NCOA2: variants seen among roughly 807,000 people sequenced by gnomAD.
The protein encoded by NCOA2 is class E basic helix-loop-helix protein 75.
A neutral mutation model predicts 145.1 loss-of-function variants in NCOA2; 21 were observed. The observed-to-expected ratio is 0.14, with a 90% CI of 0.10 to 0.21. The LOEUF (loss-of-function observed/expected upper bound fraction) is 0.21, where lower values mean the gene tolerates loss of function less well. NCOA2 is among the 10% of genes least tolerant of loss of function. The pLI is 1.00. For synonymous variants in NCOA2, 619 were observed against 637.5 expected, an observed-to-expected ratio of 0.97 and a Z score of 0.44; for missense variants, 1,472 against 1,837.6, an observed-to-expected ratio of 0.80 and a Z score of 3.64.
intron 1 of NCOA2, among the ~76,000 whole-genome samples, chr8:70,301,246 C>T (rs1242949756): frequency 6.6e-6 from 1 of 152,186 alleles, no homozygotes; most frequent in South Asian, 2.1e-4. Flanking sequence ...TTGGCAGACA[C>T]TATTATTAAA....
intron 2 of NCOA2, among the ~76,000 whole-genome samples, chr8:70,263,137 A>G (rs1254550541): frequency 6.7e-6 from 1 of 148,680 alleles, no homozygotes. Context: ...ATTAAGTCAA[A>G]TAAGGGTCAC....
intron 1 of NCOA2, among the ~76,000 whole-genome samples, chr8:70,354,309 C>T (rs1246990817): frequency 2.0e-5 from 3 of 152,044 alleles, no homozygotes; most frequent in Non-Finnish European, 4.4e-5. Context: ...AACTTTATAA[C>T]GATTTATTTT....
chr8:70,304,470 TA>T (rs1241128040), intron 1 of NCOA2, among the ~76,000 whole-genome samples: 8 of 148,536 alleles, frequency 5.4e-5, no homozygotes, highest in Non-Finnish European at 9.1e-5. Context: ...ACTATATGCA[TA>T]TTTTTTTTTT....
the NCOA2 span, among the ~76,000 whole-genome samples, chr8:70,446,595 T>C: frequency 1.3e-5 from 2 of 152,180 alleles, no homozygotes; most frequent in African/African-American, 4.8e-5. Flanking sequence ...CATCCCTAAT[T>C]TTATTGTAAA....
intron 2 of NCOA2, among the ~76,000 whole-genome samples, chr8:70,247,876 G>C (rs1457622460): frequency 6.6e-6 from 1 of 152,178 alleles, no homozygotes; most frequent in Non-Finnish European, 1.5e-5. Flanking sequence ...AAAATGTCTT[G>C]ATCCAGATTC....
rs1193068796 is a variant in NCOA2 at position 70,192,523 on chromosome 8, T to C, written c.260-17664A>G. ...CCCACCACCCACGGGCCTGCCCCTC[T>C]GCTCCTAAGAGTCTTGCCTGGTATT... On this transcript the variant is annotated intron_variant, in intron 4 of 22. Transcript: ENST00000452400. Among the ~76,000 whole-genome samples, 3 of 152,208 alleles carry C rather than the reference T, an allele frequency of 2.0e-5. No individual in the cohort carries two copies. In the East Asian group the frequency reaches 5.8e-4, roughly 29 times the overall value.
intron 1 of NCOA2, chr8:70,357,446 T>C (rs1171368381): frequency 6.6e-6 from 1 of 152,202 alleles, no homozygotes; most frequent in Non-Finnish European, 1.5e-5. Context: ...TGACTAGCCT[T>C]AAAAAGGGAA....
At chr8:70,258,651 T>C (rs181387550) in intron 2 of NCOA2, among the ~76,000 whole-genome samples, 2 of 152,288 alleles carry the variant, frequency 1.3e-5, no homozygotes, top group East Asian at 1.9e-4. Context: ...TCTACAATTA[T>C]CAAGATTTCT....
chr8:70,323,221 C>T (rs1806236155), intron 1 of NCOA2, among the ~76,000 whole-genome samples: 1 of 152,174 alleles, frequency 6.6e-6, no homozygotes, highest in African/African-American at 2.4e-5. Flanking sequence ...AATAATCAAA[C>T]ATAATCCCTG....
At chr8:70,155,102 A>AT (rs940330919) in intron 11 of NCOA2, among the ~76,000 whole-genome samples, 1 of 152,126 alleles carries the variant, frequency 6.6e-6, no homozygotes, top group African/African-American at 2.4e-5. Context: ...GGTATCCTGG[A>AT]TTTTTTCAGG....
intron 11 of NCOA2, among the ~76,000 whole-genome samples, chr8:70,151,768 A>T (rs898302900): frequency 6.6e-6 from 1 of 152,246 alleles, no homozygotes; most frequent in South Asian, 2.1e-4. Context: ...ATTCCTTGTC[A>T]ATTTATGGAG....
In NCOA2 at chr8:70,156,809, A is replaced by G. The variant is rs1812347837; in HGVS notation, c.1556T>C (p.Val519Ala). ...ATGGCTATTTCCTGTGCTGCTGCAA[A>G]CTCCCACAGGGGAATGCAAGCTTCC... is the stretch of plus-strand genomic sequence containing the variant. The part of the protein sequence containing the change: ...PAGSLHSPVG[V>A]CSSTGNSHSY... The change falls in exon 11 of 23, where the codon GTT (valine) becomes GCT (alanine). Residue 519 changes from valine to alanine, a missense_variant. Coordinates refer to ENST00000452400, the MANE Select transcript of NCOA2 (RefSeq NM_006540.4). 5.0e-6 allele frequency: 8 copies of G among 1,613,816 alleles called. No individual in the cohort carries two copies. Among genetic ancestry groups the G allele is most frequent in the Non-Finnish European group, 5.9e-6 (7 of 1,179,856 alleles).
In NCOA2 at chr8:70,239,757, C is replaced by G. The variant is rs566282137; in HGVS notation, c.-19-22993G>C. On this transcript the variant is annotated intron_variant, in intron 2 of 22. Coordinates refer to ENST00000452400, the MANE Select transcript of NCOA2 (RefSeq NM_006540.4). Reference sequence around the variant, plus strand: ...GGGATAATTAAGAGAGAGAATTGTTCAGTGAGAAGAGAAAACAACAGCTAA... The same window carrying G: ...GGGATAATTAAGAGAGAGAATTGTTGAGTGAGAAGAGAAAACAACAGCTAA... 2.6e-5 allele frequency among the ~76,000 whole-genome samples: 4 copies of G among 152,180 alleles called. No individual in the cohort carries two copies. The South Asian group carries it at 8.3e-4, about 32-fold the overall frequency.
intron 1 of NCOA2, among the ~76,000 whole-genome samples, chr8:70,301,988 AT>A (rs765552788): frequency 2.4e-4 from 36 of 152,296 alleles, no homozygotes; most frequent in Admixed American, 7.8e-4. Flanking sequence ...CTCATAATAT[AT>A]GATTAATACA....
chr8:70,427,610 T>G, the NCOA2 span, among the ~76,000 whole-genome samples: 93 of 152,226 alleles, frequency 6.1e-4, no homozygotes, highest in Non-Finnish European at 1.3e-3. Flanking sequence ...ACAAAGTGTC[T>G]TAATGTTATA....
intron 22 of NCOA2, among the ~76,000 whole-genome samples, chr8:70,115,214 G>A (rs1330593348): frequency 2.6e-5 from 4 of 152,052 alleles, no homozygotes; most frequent in Non-Finnish European, 5.9e-5. Context: ...TCAATGGTAC[G>A]ATCTCGGCTC....
At chr8:70,215,849 T>C (rs567295394) in intron 3 of NCOA2, among the ~76,000 whole-genome samples, 5 of 152,362 alleles carry the variant, frequency 3.3e-5, no homozygotes, top group African/African-American at 1.2e-4. Context: ...TCCTTGTTTA[T>C]ACAGATGGCA....
intron 11 of NCOA2, among the ~76,000 whole-genome samples, chr8:70,154,804 G>A (rs1190532676): frequency 6.6e-6 from 1 of 152,192 alleles, no homozygotes; most frequent in Non-Finnish European, 1.5e-5. Flanking sequence ...GAAGGTTGAG[G>A]AGATGTTGGT....
Position 70,290,349 on chromosome 8 carries a change from C to T in NCOA2, c.-20+6395G>A, listed in dbSNP as rs904480174. On this transcript the variant is annotated intron_variant, in intron 2 of 22. Coordinates refer to ENST00000452400, the MANE Select transcript of NCOA2 (RefSeq NM_006540.4). The stretch of plus-strand genomic sequence containing the variant: ...GACTACAGGCGCCTGCCACCACACC[C>T]GGCTAATTTTTTGTATTTTTAGTAG... Among the ~76,000 whole-genome samples, 12 of 152,108 alleles carry T rather than the reference C, an allele frequency of 7.9e-5. No individual in the cohort carries two copies. The East Asian group carries it at 1.4e-3, about 17-fold the overall frequency.
Sources: gnomAD v4.1 joint callset for allele counts (sites outside exome capture counted in the v4.1 genomes callset) on GRCh38, gnomAD v4.1.1 for gene constraint, MANE v1.5 for transcripts, NCBI Gene and HGNC (gene_info 2026-07-23, HGNC 2026-07-21) for gene names.